KDM4B: variants seen among roughly 807,000 people sequenced by gnomAD.
KDM4B encodes the protein lysine demethylase 4B, also known as lysine-specific demethylase 4B.
A neutral mutation model predicts 125.2 loss-of-function variants in KDM4B; 32 were observed. That is an observed-to-expected ratio of 0.26 (90% confidence interval 0.19 to 0.34). The LOEUF (loss-of-function observed/expected upper bound fraction) is 0.34. Ranked by LOEUF, KDM4B falls within the 10% of genes least tolerant of loss-of-function variation. The probability of loss-of-function intolerance (pLI) is 1.00; values close to 1 mark genes in which losing one functional copy is unlikely to be tolerated. For missense variants in KDM4B, 1,190 were observed against 1,577.7 expected (o/e 0.75, Z 4.16); for synonymous variants, 721 against 677.9 (o/e 1.06, Z -0.99).
At chr19:5,019,474 T>G (rs1271599777) in intron 2 of KDM4B, among the ~76,000 whole-genome samples, 1,291 of 46,128 alleles carry the variant, frequency 0.028, no homozygotes, top group Middle Eastern at 0.043. Flanking sequence ...GTGTGGGTGT[T>G]GGTGTTGGTG....
rs750077858 is a variant in KDM4B at position 5,131,472 on chromosome 19, C to T, written c.1712C>T (p.Thr571Met). Residue 571 changes from threonine (T) to methionine (M), a missense_variant, in exon 12 of 23, where the codon ACG becomes ATG. Thr to Met is a moderately conservative substitution (Grantham distance 81). Transcript: ENST00000159111. Reference sequence around the variant, plus strand: ...GAACCAGTTTCCCCCATGGAGCTGACGGGGCCAGAGGACGGTGCAGCCAGC... The same window carrying T: ...GAACCAGTTTCCCCCATGGAGCTGATGGGGCCAGAGGACGGTGCAGCCAGC... ...WKEPVSPMEL[T>M]GPEDGAASSG... 4.5e-5 allele frequency: 71 copies of T among 1,561,256 alleles called. No homozygotes were observed. Among genetic ancestry groups the T allele is most frequent in the South Asian group, 5.6e-5 (5 of 89,394 alleles).
chr19:4,999,017 A>G (rs533921072), intron 1 of KDM4B, among the ~76,000 whole-genome samples: 86 of 152,190 alleles, frequency 5.7e-4, no homozygotes, highest in African/African-American at 2.0e-3. Context: ...TAACATTACT[A>G]TTGTACCATT....
chr19:5,059,348 AT>A (rs1415193740), intron 6 of KDM4B, among the ~76,000 whole-genome samples: 3 of 152,192 alleles, frequency 2.0e-5, no homozygotes, highest in African/African-American at 7.2e-5. Flanking sequence ...CGGGCGCAGG[AT>A]GGGGCCGATG....
At chr19:4,986,946 T>TTTTTA (rs1279079321) in intron 1 of KDM4B, among the ~76,000 whole-genome samples, 2 of 152,028 alleles carry the variant, frequency 1.3e-5, no homozygotes, top group Non-Finnish European at 2.9e-5. Flanking sequence ...CCTTTTTTTA[T>TTTTTA]TTTTATTTTA....
intron 1 of KDM4B, among the ~76,000 whole-genome samples, chr19:4,994,031 T>G (rs2035117521): frequency 6.7e-6 from 1 of 150,330 alleles, no homozygotes; most frequent in Non-Finnish European, 1.5e-5. Context: ...TTTTTTTTTT[T>G]TTTTTTTTTT....
At chr19:5,110,862 G>A in intron 10 of KDM4B, 44 bp downstream of exon 10, 1 of 1,482,526 alleles carries the variant, frequency 6.7e-7, no homozygotes, top group Non-Finnish European at 9.0e-7. Flanking sequence ...AGCATCACGG[G>A]GGGTGGCCCT....
At chr19:5,062,521 A>G (rs969134752) in intron 6 of KDM4B, among the ~76,000 whole-genome samples, 1 of 152,226 alleles carries the variant, frequency 6.6e-6, no homozygotes, top group East Asian at 1.9e-4. Flanking sequence ...AGGCAAGTGC[A>G]CTACCAGGTC....
At chr19:5,020,456 C>T (rs1006112165) in intron 2 of KDM4B, among the ~76,000 whole-genome samples, 5 of 152,116 alleles carry the variant, frequency 3.3e-5, no homozygotes, top group Non-Finnish European at 7.4e-5. Flanking sequence ...TCAGGAATCG[C>T]CTGCCCGTCT....
At position 5,131,463 on chromosome 19, in the gene KDM4B, T is replaced by A. The variant is rs2039544104; in HGVS notation, c.1703T>A (p.Met568Lys). 6.3e-7 allele frequency: 1 copy of A among 1,583,196 alleles called. No individual in the cohort carries two copies. Among genetic ancestry groups the A allele is most frequent in the Admixed American group, 1.8e-5 (1 of 56,254 alleles). ...GPTWKEPVSP[M>K]ELTGPEDGAA... ...ACCTGGAAGGAACCAGTTTCCCCCA[T>A]GGAGCTGACGGGGCCAGAGGACGGT... Residue 568 changes from methionine to lysine, a missense_variant, in exon 12 of 23, where the codon ATG becomes AAG. Met to Lys is a moderately conservative substitution (Grantham distance 95, BLOSUM62 -1). Transcript: ENST00000159111.
At chr19:5,090,967 CAG>C (rs2038689038) in intron 9 of KDM4B, among the ~76,000 whole-genome samples, 1 of 152,124 alleles carries the variant, frequency 6.6e-6, no homozygotes, top group Non-Finnish European at 1.5e-5. Context: ...CTTCCTGTCT[CAG>C]AGCAGGATCC....
At chr19:5,033,387 A>G (rs895791931) in intron 3 of KDM4B, among the ~76,000 whole-genome samples, 2 of 152,128 alleles carry the variant, frequency 1.3e-5, no homozygotes, top group South Asian at 2.1e-4. Context: ...AGGGGTGTTC[A>G]GTGCCCAGGA....
At chr19:5,048,484 C>T (rs1216904786) in intron 6 of KDM4B, among the ~76,000 whole-genome samples, 1 of 152,104 alleles carries the variant, frequency 6.6e-6, no homozygotes, top group East Asian at 1.9e-4. Flanking sequence ...GGGCCGCGCT[C>T]ATGCCTGGAA....
intron 5 of KDM4B, among the ~76,000 whole-genome samples, chr19:5,045,648 A>T (rs2037002441): frequency 6.6e-6 from 1 of 151,124 alleles, no homozygotes; most frequent in Admixed American, 6.6e-5. Flanking sequence ...CTAATTTTTG[A>T]ATTTTTAGTA....
intron 7 of KDM4B, among the ~76,000 whole-genome samples, chr19:5,073,486 C>T (rs898209883): frequency 5.3e-5 from 8 of 152,262 alleles, no homozygotes; most frequent in African/African-American, 1.9e-4. Flanking sequence ...CCACCCCATC[C>T]TTGCCAGCCA....
chr19:5,030,909 C>T (rs1256798551), intron 2 of KDM4B, among the ~76,000 whole-genome samples: 1 of 152,252 alleles, frequency 6.6e-6, no homozygotes, highest in East Asian at 1.9e-4. Flanking sequence ...GGCCCGGCCT[C>T]TGAGGGCTGG....
chr19:5,039,754 T>TG, intron 3 of KDM4B, 82 bp from the exon 4 acceptor site: 7 of 1,495,312 alleles, frequency 4.7e-6, no homozygotes, highest in Non-Finnish European at 6.4e-6. Flanking sequence ...TGCTGGTCTC[T>TG]GGGGAGCCGG....
chr19:5,151,545 CG>C lies in KDM4B; in HGVS notation c.*38del. The C allele has an allele frequency of 7.6e-7, 1 of 1,312,722 alleles. No individual in the cohort carries two copies. The highest frequency in any genetic ancestry group is 9.7e-7 in the Non-Finnish European group (1 of 1,026,130). 81.3% of individuals were successfully genotyped at this position (1,312,722 alleles called of 1,614,324 possible). A position where few individuals can be genotyped will look rare whatever the true frequency, so the allele number is the denominator to read the frequency against. On this transcript the variant is annotated 3_prime_UTR_variant, in exon 23 of 23. Coordinates refer to ENST00000159111, the MANE Select transcript of KDM4B (RefSeq NM_015015.3). Reference sequence around the variant, plus strand: ...GCCGCTCAGGCGACCCTCAGCCCGGCGGGGAGGCCATGGCATGCCCCGGGCG... The same window carrying C: ...GCCGCTCAGGCGACCCTCAGCCCGGCGGGAGGCCATGGCATGCCCCGGGCG...
intron 11 of KDM4B, among the ~76,000 whole-genome samples, chr19:5,127,328 G>A (rs918769446): frequency 3.9e-5 from 6 of 152,160 alleles, no homozygotes; most frequent in African/African-American, 1.2e-4. Flanking sequence ...ACAGAGCCCC[G>A]AGGAATGGCT....
chr19:5,144,349 C>T lies in KDM4B; in HGVS notation c.2838C>T (p.Thr946=). 1.4e-6 allele frequency: 2 copies of T among 1,424,832 alleles called. No individual in the cohort carries two copies. The highest frequency in any genetic ancestry group is 1.9e-6 in the Non-Finnish European group (2 of 1,076,054). The allele number at this position is 1,424,832 out of a possible 1,614,324, so 88.3% of individuals were successfully genotyped here. Residue 946 remains threonine (T), a synonymous_variant, in exon 20 of 23, where the codon ACC becomes ACT. Coordinates refer to ENST00000159111, the MANE Select transcript of KDM4B (RefSeq NM_015015.3). ...GCGTCATCGGTGCCGCCTCGCAGAC[C>T]TGCTACGAAGTGAACTTCGACGATG... ...RCRVIGAASQ[T]CYEVNFDDGS... is the part of the protein sequence containing the mutation.
Sources: allele counts gnomAD v4.1 joint callset (sites outside exome capture counted in the v4.1 genomes callset), GRCh38; gene constraint gnomAD v4.1.1; transcripts MANE v1.5; gene names NCBI Gene and HGNC (gene_info 2026-07-23, HGNC 2026-07-21).